Variants in SOX5 observed in about 807,000 individuals in gnomAD.
The protein encoded by SOX5 is transcription factor SOX-5.
A neutral mutation model predicts 92.0 loss-of-function variants in SOX5; 9 were observed. The ratio of observed to expected loss-of-function variants is 0.10; its 90% CI spans 0.06 to 0.17. The LOEUF (loss-of-function observed/expected upper bound fraction) is 0.17. Among genes scored for constraint, SOX5 ranks in the 10% least tolerant of loss-of-function variants. The probability of loss-of-function intolerance (pLI) is 1.00; values close to 1 mark genes in which losing one functional copy is unlikely to be tolerated. For synonymous variants in SOX5, 344 were observed against 336.3 expected (o/e 1.02, Z -0.25); for missense variants, 642 against 944.5 (o/e 0.68, Z 4.20).
At chr12:24,118,841 C>A (rs1035991722) in intron 4 of SOX5, among the ~76,000 whole-genome samples, 1 of 152,062 alleles carries the variant, frequency 6.6e-6, no homozygotes, top group Non-Finnish European at 1.5e-5. Context: ...ATGAGAACAA[C>A]TTTAAATTAC....
chr12:24,357,298 C>T (rs1030120725), intron 2 of SOX5: 3 of 152,134 alleles, frequency 2.0e-5, no homozygotes, highest in Non-Finnish European at 2.9e-5. Flanking sequence ...AGGACCTCTT[C>T]CTTGCTGCAT....
chr12:24,038,729 T>A (rs1956272381), intron 4 of SOX5, among the ~76,000 whole-genome samples: 1 of 152,190 alleles, frequency 6.6e-6, no homozygotes, highest in South Asian at 2.1e-4. Flanking sequence ...CCTTTCAACT[T>A]CGTATTATTC....
intron 3 of SOX5, among the ~76,000 whole-genome samples, chr12:23,837,330 A>G (rs1466946440): frequency 2.4e-5 from 2 of 84,658 alleles, no homozygotes; most frequent in Non-Finnish European, 4.0e-5. Flanking sequence ...TATATAATAT[A>G]TAAGATATAT....
At chr12:23,843,009 A>G (rs561049427) in intron 3 of SOX5, among the ~76,000 whole-genome samples, 3 of 152,178 alleles carry the variant, frequency 2.0e-5, no homozygotes, top group Non-Finnish European at 4.4e-5. Flanking sequence ...AATTACATAG[A>G]AAGTATGTAA....
chr12:23,722,969 C>A (rs532959171), intron 6 of SOX5, among the ~76,000 whole-genome samples: 1 of 152,214 alleles, frequency 6.6e-6, no homozygotes, highest in East Asian at 1.9e-4. Context: ...CAATTAGGGG[C>A]GGATGAAGAT....
In SOX5 at chr12:24,214,257, A is replaced by T. The variant is rs556105094; in HGVS notation, c.-76-840T>A. Among the ~76,000 whole-genome samples the T allele has an allele frequency of 2.1e-4, 32 of 152,242 alleles. No homozygotes were observed. In the South Asian group the frequency reaches 6.4e-3, roughly 31 times the overall value. On this transcript the variant is annotated intron_variant, in intron 3 of 4. Coordinates refer to the SOX5 transcript ENST00000446891. ...CAAAATAAAAACAGAAACACTCTAT[A>T]AGTAGTCACTTTATCAGAGACAGAC...
intron 1 of SOX5, among the ~76,000 whole-genome samples, chr12:24,379,952 G>A (rs73066451): frequency 0.026 from 3,896 of 151,690 alleles, 85 homozygotes; most frequent in Non-Finnish European, 0.04. Flanking sequence ...GGGAGGGAGG[G>A]AAAACCCTCT....
At chr12:24,415,772 T>C (rs1286709593) in intron 1 of SOX5, among the ~76,000 whole-genome samples, 1 of 152,238 alleles carries the variant, frequency 6.6e-6, no homozygotes, top group Admixed American at 6.5e-5. Flanking sequence ...GCAATATCCG[T>C]AACGTACTTT....
intron 1 of SOX5, among the ~76,000 whole-genome samples, chr12:24,454,792 AT>A (rs796260799): frequency 7.2e-5 from 11 of 152,022 alleles, no homozygotes; most frequent in African/African-American, 1.4e-4. Context: ...ATAATAACTA[AT>A]TTTTTTTCAT....
rs188685785 is a variant in SOX5, at chr12:23,781,359, C to A, written c.482-25635G>T. ...AATCTATGTGTTATGATACTGCTAACAGATGACTGTTACTAATAGATAACT... is the reference window on the plus strand; with the variant it reads ...AATCTATGTGTTATGATACTGCTAAAAGATGACTGTTACTAATAGATAACT... On this transcript the variant is annotated intron_variant, in intron 3 of 14. Coordinates refer to ENST00000451604, the MANE Select transcript of SOX5 (RefSeq NM_006940.6). 4.3e-3 allele frequency among the ~76,000 whole-genome samples: 658 copies of A among 151,736 alleles called. 15 individuals carry two copies. The highest frequency in any genetic ancestry group is 0.037 in the Admixed American group (563 of 15,240).
At chr12:24,462,976 G>A (rs1172023963) in intron 1 of SOX5, among the ~76,000 whole-genome samples, 1 of 152,156 alleles carries the variant, frequency 6.6e-6, no homozygotes, top group Non-Finnish European at 1.5e-5. Flanking sequence ...CTAGCACTTT[G>A]GGAGGCCAAG....
chr12:24,150,939 G>C (rs1021062440), intron 4 of SOX5, among the ~76,000 whole-genome samples: 3 of 152,042 alleles, frequency 2.0e-5, no homozygotes, highest in African/African-American at 7.2e-5. Flanking sequence ...AGGAAAACAT[G>C]ATCATTGCAC....
intron 2 of SOX5, among the ~76,000 whole-genome samples, chr12:24,352,712 TATC>T (rs547038963): frequency 2.5e-4 from 38 of 152,170 alleles, no homozygotes; most frequent in Non-Finnish European, 4.9e-4. Context: ...TCCTTAAAGC[TATC>T]ATCAAGTATC....
At chr12:24,287,592 CTTTTTTTTTTTTTTTT>C (rs763973565) in intron 2 of SOX5, among the ~76,000 whole-genome samples, 1 of 79,672 alleles carries the variant, frequency 1.3e-5, no homozygotes, top group Admixed American at 1.6e-4. Context: ...TTCTCAAATC[CTTTTTTTTTTTTTTTT>C]TTTTTTTTTG....
chr12:24,069,610 G>A (rs776203137), intron 4 of SOX5, among the ~76,000 whole-genome samples: 6 of 152,166 alleles, frequency 3.9e-5, no homozygotes, highest in Non-Finnish European at 8.8e-5. Flanking sequence ...CCTAGTTAGA[G>A]ATCACAGCAG....
In SOX5 at chr12:24,401,530, C is replaced by T. The variant is rs1198587110; in HGVS notation, c.-250-32891G>A. 2.0e-5 allele frequency among the ~76,000 whole-genome samples: 3 copies of T among 151,214 alleles called. 1 individual carries two copies. Among genetic ancestry groups the T allele is most frequent in the East Asian group, 3.9e-4 (2 of 5,128 alleles). Reference sequence around the variant, plus strand: ...TTTGAAATCAGCCTGGGCAACATAGCGAGACCTCGTCTCTACAAAACATTA... The same window carrying T: ...TTTGAAATCAGCCTGGGCAACATAGTGAGACCTCGTCTCTACAAAACATTA... On this transcript the variant is annotated intron_variant, in intron 1 of 4. Coordinates refer to the SOX5 transcript ENST00000446891.
At chr12:23,619,968 T>C (rs2076986318) in intron 8 of SOX5, among the ~76,000 whole-genome samples, 1 of 152,086 alleles carries the variant, frequency 6.6e-6, no homozygotes, top group Non-Finnish European at 1.5e-5. Context: ...AAGAAAGCCA[T>C]CAATGAAATA....
intron 1 of SOX5, among the ~76,000 whole-genome samples, chr12:24,539,521 C>T (rs1232079391): frequency 6.6e-6 from 1 of 152,062 alleles, no homozygotes; most frequent in Non-Finnish European, 1.5e-5. Context: ...CAATGATATT[C>T]TTAAAATATA....
intron 7 of SOX5, among the ~76,000 whole-genome samples, chr12:23,641,115 A>C (rs1454506906): frequency 1.3e-5 from 2 of 152,146 alleles, no homozygotes; most frequent in Non-Finnish European, 1.5e-5. Flanking sequence ...CGGAAACCTC[A>C]TCCTTTTTTC....
Sources: allele counts gnomAD v4.1 joint callset (sites outside exome capture counted in the v4.1 genomes callset), GRCh38; gene constraint gnomAD v4.1.1; transcripts MANE v1.5; gene names NCBI Gene and HGNC (gene_info 2026-07-23, HGNC 2026-07-21).